The following ETV4 variants were observed in gnomAD, a reference collection of about 807,000 sequenced individuals.
The protein encoded by ETV4 is ETS translocation variant 4.
ETV4 carries 42 observed loss-of-function variants against 65.9 expected under a neutral mutation model. That is an observed-to-expected ratio of 0.64 (90% CI 0.50 to 0.82). The LOEUF (loss-of-function observed/expected upper bound fraction) is 0.82. Ranked by LOEUF, ETV4 falls within the 40% of genes least tolerant of loss-of-function variation. ETV4 has a pLI of 0.00. For synonymous variants in ETV4, 238 were observed against 260.0 expected, an observed-to-expected ratio of 0.92 and a Z score of 0.81; for missense variants, 583 against 630.3, an observed-to-expected ratio of 0.92 and a Z score of 0.80.
intron 4 of ETV4, among the ~76,000 whole-genome samples, chr17:43,537,306 A>G (rs1158939930): frequency 6.6e-6 from 1 of 152,226 alleles, no homozygotes; most frequent in Non-Finnish European, 1.5e-5. Context: ...CAGAGGTTGC[A>G]GTGAGCTGAG....
intron 1 of ETV4, chr17:43,545,964 TG>T: frequency 2.9e-6 from 1 of 340,664 alleles, no homozygotes; most frequent in East Asian, 6.2e-5. Flanking sequence ...TGTGTGTGTG[TG>T]TGTGTGTGTG....
At chr17:43,531,451 C>T (rs1186800772) in intron 8 of ETV4, among the ~76,000 whole-genome samples, 2 of 152,170 alleles carry the variant, frequency 1.3e-5, no homozygotes, top group African/African-American at 2.4e-5. Flanking sequence ...CTGGCCAGGG[C>T]ATACATCAAT....
intron 1 of ETV4, chr17:43,545,933 A>AAGTGTGTG: frequency 1.1e-5 from 3 of 266,548 alleles, no homozygotes; most frequent in Non-Finnish European, 2.1e-5. Context: ...TTACATAAGA[A>AAGTGTGTG]CGTGTGTGTG....
chr17:43,528,151 C>T lies in ETV4; in HGVS notation c.*368G>A, dbSNP rs1332771472. The T allele has an allele frequency of 8.1e-6, 2 of 246,676 alleles. No individual in the cohort carries two copies. Among genetic ancestry groups the T allele is most frequent in the Non-Finnish European group, 7.9e-6 (1 of 127,348 alleles). 15.3% of individuals were successfully genotyped at this position (246,676 alleles called of 1,614,324 possible). On this transcript the variant is annotated 3_prime_UTR_variant, in exon 13 of 13. Coordinates refer to ENST00000319349, the MANE Select transcript of ETV4 (RefSeq NM_001079675.5). ...CTGGGGAGCTCAGTGAACCTCCTCA[C>T]CCTCCTGCCAGTATGAAGTTGGGAA... is the stretch of plus-strand genomic sequence containing the variant.
At chr17:43,531,323 C>T (rs1041483752) in intron 8 of ETV4, among the ~76,000 whole-genome samples, 14 of 152,188 alleles carry the variant, frequency 9.2e-5, no homozygotes, top group African/African-American at 2.9e-4. Context: ...GGCCCTCCTT[C>T]GGCCCTTGAG....
At chr17:43,530,454 C>G (rs1970854772) in intron 8 of ETV4, 16 of 1,353,346 alleles carry the variant, frequency 1.2e-5, no homozygotes, top group Non-Finnish European at 1.5e-5. Flanking sequence ...AGGGCCCAAG[C>G]TGCCAGGGAG....
At chr17:43,545,149 G>A in intron 3 of ETV4, 125 bp downstream of exon 3, 1 of 1,297,704 alleles carries the variant, frequency 7.7e-7, no homozygotes. Flanking sequence ...AAATCCCTTG[G>A]AGGGCGAGTT....
chr17:43,539,291 TC>T (rs1971402877), intron 4 of ETV4, among the ~76,000 whole-genome samples: 1 of 152,134 alleles, frequency 6.6e-6, no homozygotes, highest in South Asian at 2.1e-4. Context: ...TGTTCCTTCT[TC>T]CCCAGATGCT....
At chr17:43,545,234 T>TGTGTGTGG (rs1971746477) in intron 3 of ETV4, 40 bp downstream of exon 3, 1 of 1,237,908 alleles carries the variant, frequency 8.1e-7, no homozygotes, top group East Asian at 2.4e-5. Flanking sequence ...TGTGTGTGTG[T>TGTGTGTGG]GGCGGAGGAG....
intron 5 of ETV4, among the ~76,000 whole-genome samples, chr17:43,535,185 A>G (rs2154587148): frequency 6.6e-6 from 1 of 152,318 alleles, no homozygotes; most frequent in Middle Eastern, 3.4e-3. Context: ...GTAACCAACT[A>G]TTCTCTGCTG....
chr17:43,531,973 T>C (rs928557042), intron 8 of ETV4, among the ~76,000 whole-genome samples: 2 of 152,226 alleles, frequency 1.3e-5, no homozygotes, highest in Non-Finnish European at 2.9e-5. Context: ...TTAACTTCCC[T>C]ATTAAGTCAC....
intron 6 of ETV4, 36 bp from the exon 7 acceptor site, chr17:43,533,384 A>G (rs1159301002): frequency 6.3e-7 from 1 of 1,586,566 alleles, no homozygotes; most frequent in Non-Finnish European, 8.6e-7. Context: ...GAGGGGGCAG[A>G]GAAGCTGGAA....
rs751109306 is a variant in ETV4 at position 43,532,844 on chromosome 17, G to A, written c.641C>T (p.Ser214Leu). ...PLPAPYQHQLSEPCPPYPQQS... is the reference protein window; with the variant it reads ...PLPAPYQHQLLEPCPPYPQQS... ...CTGGGGATAGGGTGGGCAGGGCTCCGACAGCTGGTGTTGGTAGGGGGCTGG... is the reference window on the plus strand; with the variant it reads ...CTGGGGATAGGGTGGGCAGGGCTCCAACAGCTGGTGTTGGTAGGGGGCTGG... The change falls in exon 8 of 13, where the codon TCG (serine) becomes TTG (leucine). Residue 214 changes from serine (S) to leucine (L), a missense_variant. Transcript: ENST00000319349. The A allele has an allele frequency of 9.9e-6, 16 of 1,613,552 alleles. No individual in the cohort carries two copies. Among genetic ancestry groups the A allele is most frequent in the East Asian group, 8.9e-5 (4 of 44,862 alleles).
At chr17:43,529,406 A>G in intron 11 of ETV4, 98 bp downstream of exon 11, 1 of 1,473,758 alleles carries the variant, frequency 6.8e-7, no homozygotes, top group Non-Finnish European at 9.3e-7. Context: ...AGGTAAAGCA[A>G]GAATCATGAT....
intron 8 of ETV4, 37 bp from the exon 9 acceptor site, chr17:43,530,218 G>A: frequency 6.4e-7 from 1 of 1,552,176 alleles, no homozygotes. Flanking sequence ...GAAGTGGCTT[G>A]GGGTGGAGCT....
intron 4 of ETV4, among the ~76,000 whole-genome samples, chr17:43,538,062 AC>A (rs1214396403): frequency 6.6e-6 from 1 of 151,482 alleles, no homozygotes; most frequent in Non-Finnish European, 1.5e-5. Context: ...AATGGCGTGA[AC>A]CTGGGAGGCG....
At chr17:43,545,241 G>C (rs367969138) in intron 3 of ETV4, 33 bp downstream of exon 3, 305 of 1,289,374 alleles carry the variant, frequency 2.4e-4, no homozygotes, top group Admixed American at 5.0e-4. Flanking sequence ...GTGTGGCGGA[G>C]GAGGGTCGCG....
intron 4 of ETV4, among the ~76,000 whole-genome samples, chr17:43,536,845 T>C (rs35714338): frequency 0.29 from 43,424 of 152,210 alleles, 6,403 homozygotes; most frequent in African/African-American, 0.35. Flanking sequence ...TCCTAGTGTC[T>C]TCCACCTCTG....
At position 43,528,622 on chromosome 17, in the gene ETV4, T is replaced by A; in HGVS notation, c.1352A>T (p.Glu451Val). The A allele has an allele frequency of 6.2e-7, 1 of 1,614,110 alleles. No individual in the cohort carries two copies. The highest frequency in any genetic ancestry group is 8.5e-7 in the Non-Finnish European group (1 of 1,179,992). The stretch of plus-strand genomic sequence containing the variant: ...CAAGTGGGACAAAGGGACTGTGTCC[T>A]CCTCACTGACAGGCCGGTCAAACTC... ...KAEFDRPVSE[E>V]DTVPLSHLDE... Residue 451 changes from glutamate (E) to valine (V), a missense_variant, in exon 13 of 13, where the codon GAG becomes GTG. By Grantham distance (121) the Glu-to-Val change is moderately radical. Coordinates refer to ENST00000319349, the MANE Select transcript of ETV4 (RefSeq NM_001079675.5).
Sources: gnomAD v4.1 joint callset for allele counts (sites outside exome capture counted in the v4.1 genomes callset) on GRCh38, gnomAD v4.1.1 for gene constraint, MANE v1.5 for transcripts, NCBI Gene and HGNC (gene_info 2026-07-23, HGNC 2026-07-21) for gene names.